Variants in COL14A1 observed in about 807,000 individuals in gnomAD.
COL14A1 encodes the protein collagen alpha-1(XIV) chain.
Under a neutral mutation model 230.3 loss-of-function variants are expected in COL14A1, and 136 were observed. That is an observed-to-expected ratio of 0.59 (90% CI 0.51 to 0.68). The LOEUF (loss-of-function observed/expected upper bound fraction) is 0.68. COL14A1 is among the 30% of genes least tolerant of loss of function. The probability of loss-of-function intolerance (pLI) is 0.00; values close to 1 mark genes in which losing one functional copy is unlikely to be tolerated. For missense variants in COL14A1, 1,976 were observed against 2,215.8 expected, an observed-to-expected ratio of 0.89 and a Z score of 2.17; for synonymous variants, 792 against 784.1, an observed-to-expected ratio of 1.01 and a Z score of -0.17.
intron 12 of COL14A1, among the ~76,000 whole-genome samples, chr8:120,211,961 CTTG>C (rs1388745346): frequency 2.6e-5 from 4 of 152,224 alleles, no homozygotes; most frequent in African/African-American, 9.6e-5. Context: ...CGTGGATTCT[CTTG>C]TTGAATGGGG....
intron 14 of COL14A1, among the ~76,000 whole-genome samples, chr8:120,222,503 G>A (rs182903088): frequency 6.1e-4 from 93 of 152,224 alleles, no homozygotes; most frequent in African/African-American, 2.0e-3. Context: ...ATATCCATGT[G>A]TGACCCCTCA....
At chr8:120,208,201 A>T (rs576551358) in intron 10 of COL14A1, 31 bp from the exon 11 acceptor site, 2 of 1,573,166 alleles carry the variant, frequency 1.3e-6, no homozygotes, top group African/African-American at 2.7e-5. Context: ...GATATTCCAT[A>T]CTCTCATTAC....
intron 36 of COL14A1, among the ~76,000 whole-genome samples, chr8:120,307,668 C>T (rs1311561426): frequency 6.6e-6 from 1 of 152,046 alleles, no homozygotes; most frequent in Admixed American, 6.6e-5. Context: ...TGAAAAGATA[C>T]ATAATCATAA....
chr8:120,291,148 T>C (rs1820362276), intron 34 of COL14A1, among the ~76,000 whole-genome samples: 1 of 152,198 alleles, frequency 6.6e-6, no homozygotes, highest in Admixed American at 6.5e-5. Context: ...AGGATACTCC[T>C]ATGATAGTAC....
At position 120,372,647 on chromosome 8, in the gene COL14A1, C is replaced by T. The variant is rs551291046; in HGVS notation, c.*1416C>T. ...TTTCTGGATCAGGAAAAGGCTAACA[C>T]GAAGGATGGTGTCTGTCTGATCACC... On this transcript the variant is annotated 3_prime_UTR_variant, in exon 48 of 48. Coordinates refer to ENST00000297848, the MANE Select transcript of COL14A1 (RefSeq NM_021110.4). Among the ~76,000 whole-genome samples, 20 of 152,080 alleles carry T rather than the reference C, an allele frequency of 1.3e-4. No homozygotes were observed. The highest frequency in any genetic ancestry group is 9.6e-4 in the East Asian group (5 of 5,190).
At chr8:120,188,911 T>A (rs1816727672) in intron 5 of COL14A1, among the ~76,000 whole-genome samples, 1 of 152,254 alleles carries the variant, frequency 6.6e-6, no homozygotes, top group Admixed American at 6.5e-5. Context: ...TGGTTTTCTT[T>A]TCTACTACTT....
At chr8:120,180,701 C>CTTTTTTTTTTTTTTTTT in intron 5 of COL14A1, among the ~76,000 whole-genome samples, 1 of 83,538 alleles carries the variant, frequency 1.2e-5, no homozygotes, top group Non-Finnish European at 2.1e-5. Context: ...GGTAGGAAGC[C>CTTTTTTTTTTTTTTTTT]TTTTTTTTTT....
At position 120,125,178 on chromosome 8, in the gene COL14A1, A is replaced by T. The variant is rs915441553; in HGVS notation, c.-200A>T. On this transcript the variant is annotated 5_prime_UTR_variant, in exon 1 of 48. Transcript: ENST00000297848. ...GGGCTGGAAGTGGAAGCGCAGCGGC[A>T]GAAGGAGAGGGAGAGAGAAAGAGAG... 9 of 152,754 alleles carry T rather than the reference A, an allele frequency of 5.9e-5. No individual in the cohort carries two copies. Among genetic ancestry groups the T allele is most frequent in the African/African-American group, 2.2e-4 (9 of 41,486 alleles). 9.5% of individuals were successfully genotyped at this position (152,754 alleles called of 1,614,324 possible).
At chr8:120,361,419 C>G (rs992981713) in intron 45 of COL14A1, among the ~76,000 whole-genome samples, 1 of 152,172 alleles carries the variant, frequency 6.6e-6, no homozygotes, top group African/African-American at 2.4e-5. Flanking sequence ...TGGTACTAGT[C>G]CTACAGACCA....
intron 40 of COL14A1, among the ~76,000 whole-genome samples, chr8:120,325,896 C>A (rs992321805): frequency 5.3e-5 from 8 of 152,236 alleles, no homozygotes; most frequent in East Asian, 3.9e-4. Flanking sequence ...GGTTTTGGGA[C>A]GTGCAAGTAC....
chr8:120,233,287 C>G (rs1178182738), intron 19 of COL14A1, among the ~76,000 whole-genome samples: 1 of 152,130 alleles, frequency 6.6e-6, no homozygotes, highest in Non-Finnish European at 1.5e-5. Flanking sequence ...TCCCATTTGT[C>G]TATTTTGGCT....
intron 26 of COL14A1, chr8:120,277,452 T>G (rs1423601049): frequency 6.6e-6 from 1 of 152,074 alleles, no homozygotes; most frequent in Non-Finnish European, 1.5e-5. Context: ...CTGAAAGTAC[T>G]GAGAGACACA....
At chr8:120,223,849 G>A (rs981202650) in intron 14 of COL14A1, among the ~76,000 whole-genome samples, 1 of 151,860 alleles carries the variant, frequency 6.6e-6, no homozygotes, top group African/African-American at 2.4e-5. Context: ...AAGTCCTTGT[G>A]AGGATTAAAG....
At chr8:120,219,473 A>C (rs1034572372) in intron 14 of COL14A1, among the ~76,000 whole-genome samples, 3 of 152,170 alleles carry the variant, frequency 2.0e-5, no homozygotes, top group African/African-American at 7.2e-5. Context: ...AGATCAAGGC[A>C]CCTGCACCTG....
chr8:120,341,998 A>G (rs1822315039), intron 43 of COL14A1, among the ~76,000 whole-genome samples: 1 of 152,206 alleles, frequency 6.6e-6, no homozygotes, highest in Non-Finnish European at 1.5e-5. Flanking sequence ...AAATGGGTTT[A>G]ACATCTTTCC....
At chr8:120,281,565 TA>T (rs61230108) in intron 31 of COL14A1, among the ~76,000 whole-genome samples, 7,542 of 138,022 alleles carry the variant, frequency 0.055, 198 homozygotes, top group Non-Finnish European at 0.067. Context: ...ACCCCGTCTT[TA>T]AAAAAAAAAA....
chr8:120,182,120 A>G (rs900589321), intron 5 of COL14A1, among the ~76,000 whole-genome samples: 1 of 152,214 alleles, frequency 6.6e-6, no homozygotes, highest in Admixed American at 6.5e-5. Context: ...AAAGTTTATT[A>G]TTCTCAACTT....
intron 33 of COL14A1, among the ~76,000 whole-genome samples, chr8:120,288,691 A>G (rs1459751740): frequency 1.3e-5 from 2 of 152,122 alleles, no homozygotes; most frequent in African/African-American, 4.8e-5. Context: ...CCTTGATTGT[A>G]TTGACCAACA....
At chr8:120,295,545 T>C (rs538001282) in intron 34 of COL14A1, among the ~76,000 whole-genome samples, 29 of 151,986 alleles carry the variant, frequency 1.9e-4, no homozygotes, top group Admixed American at 4.6e-4. Flanking sequence ...AAGATTTTTC[T>C]GAATCAAAAC....
Sources: gnomAD v4.1 joint callset for allele counts (sites outside exome capture counted in the v4.1 genomes callset) on GRCh38, gnomAD v4.1.1 for gene constraint, MANE v1.5 for transcripts, NCBI Gene and HGNC (gene_info 2026-07-23, HGNC 2026-07-21) for gene names.